PIGL: variants seen among roughly 807,000 people sequenced by gnomAD.
PIGL encodes N-acetylglucosaminyl-phosphatidylinositol de-N-acetylase.
Under a neutral mutation model 31.1 loss-of-function variants are expected in PIGL, and 22 were observed. That is an observed-to-expected ratio of 0.71 (90% confidence interval 0.51 to 1.01). The LOEUF (loss-of-function observed/expected upper bound fraction) is 1.01, where lower values mean the gene tolerates loss of function less well. Among genes scored for constraint, PIGL ranks in the 50% least tolerant of loss-of-function variants. The pLI is 0.00. For missense variants in PIGL, 302 were observed against 315.9 expected (o/e 0.96, Z 0.33); for synonymous variants, 131 against 117.4 (o/e 1.12, Z -0.75).
In PIGL at chr17:16,238,587, C is replaced by A. The variant is rs573439445; in HGVS notation, c.335+4517C>A. 9.3e-5 allele frequency among the ~76,000 whole-genome samples: 14 copies of A among 150,286 alleles called. 1 individual carries two copies. In the East Asian group the frequency reaches 2.9e-3, roughly 31 times the overall value. On this transcript the variant is annotated intron_variant, in intron 2 of 6. Transcript: ENST00000225609. ...AGTAGCTGGGATTACAGGCGCCCAC[C>A]ACCATGCCCAGCTAATTTTTGTATT...
chr17:16,307,429 C>T (rs2093030661), intron 3 of PIGL, among the ~76,000 whole-genome samples: 1 of 152,220 alleles, frequency 6.6e-6, no homozygotes, highest in Admixed American at 6.5e-5. Context: ...CCAGCCTGTG[C>T]TGTGCACGCT....
At chr17:16,314,302 T>TG (rs1391001631) in intron 4 of PIGL, among the ~76,000 whole-genome samples, 1 of 152,156 alleles carries the variant, frequency 6.6e-6, no homozygotes, top group Non-Finnish European at 1.5e-5. Flanking sequence ...AGAAGCAACT[T>TG]GAAGGGAAGG....
chr17:16,288,294 C>T (rs1453319062), intron 2 of PIGL, among the ~76,000 whole-genome samples: 1 of 152,182 alleles, frequency 6.6e-6, no homozygotes, highest in Non-Finnish European at 1.5e-5. Flanking sequence ...GCAGCCCCCA[C>T]CTCCCAGGTT....
intron 2 of PIGL, 61 bp downstream of exon 2, chr17:16,234,131 A>G (rs2092690318): frequency 1.1e-6 from 1 of 939,724 alleles, no homozygotes; most frequent in Non-Finnish European, 1.7e-6. Context: ...GATATACTCA[A>G]AAGACACACA....
At chr17:16,260,395 C>T (rs1285383401) in intron 2 of PIGL, among the ~76,000 whole-genome samples, 1 of 152,182 alleles carries the variant, frequency 6.6e-6, no homozygotes, top group Non-Finnish European at 1.5e-5. Context: ...GCACTCATTT[C>T]CTCCCCTCTG....
intron 1 of PIGL, 134 bp from the exon 2 acceptor site, chr17:16,233,837 A>G: frequency 3.5e-6 from 2 of 573,266 alleles, no homozygotes; most frequent in East Asian, 5.5e-5. Context: ...GTTTTCTTAA[A>G]CTTTGTATCA....
rs375570594 is a variant in PIGL at position 16,281,065 on chromosome 17, C to A, written c.336-18823C>A. Among the ~76,000 whole-genome samples, 5 of 152,248 alleles carry A rather than the reference C, an allele frequency of 3.3e-5. No homozygotes were observed. The East Asian group carries it at 9.6e-4, about 29-fold the overall frequency. On this transcript the variant is annotated intron_variant, in intron 2 of 6. Transcript: ENST00000225609. Reference sequence around the variant, plus strand: ...CTTTGAGAAGACTCTTGTGCTTTCACATGTATAAATATAAGCACTAAAATC... The same window carrying A: ...CTTTGAGAAGACTCTTGTGCTTTCAAATGTATAAATATAAGCACTAAAATC...
chr17:16,267,512 G>T (rs59191673), intron 2 of PIGL, among the ~76,000 whole-genome samples: 2 of 151,884 alleles, frequency 1.3e-5, no homozygotes, highest in South Asian at 4.1e-4. Context: ...TGGTCATATT[G>T]TCGGGGTTCT....
chr17:16,289,253 G>A (rs2092950680), intron 2 of PIGL, among the ~76,000 whole-genome samples: 1 of 152,224 alleles, frequency 6.6e-6, no homozygotes, highest in African/African-American at 2.4e-5. Context: ...GAGAGGGCCA[G>A]GTGAGATAAA....
intron 2 of PIGL, among the ~76,000 whole-genome samples, chr17:16,282,548 T>C (rs1328279169): frequency 2.6e-5 from 4 of 152,146 alleles, no homozygotes; most frequent in Non-Finnish European, 2.9e-5. Flanking sequence ...TCACAAAATA[T>C]CCCTAGAATT....
At chr17:16,300,799 AT>A (rs1220338955) in intron 3 of PIGL, among the ~76,000 whole-genome samples, 1 of 152,168 alleles carries the variant, frequency 6.6e-6, no homozygotes, top group Non-Finnish European at 1.5e-5. Flanking sequence ...TTAAGCATTG[AT>A]TTCTTCATTC....
intron 2 of PIGL, among the ~76,000 whole-genome samples, chr17:16,295,833 C>T (rs964053851): frequency 7.2e-5 from 11 of 151,932 alleles, no homozygotes; most frequent in African/African-American, 2.2e-4. Flanking sequence ...CCCAGCTACT[C>T]GGGAAGCTGA....
chr17:16,299,679 TC>T (rs2092996228), intron 2 of PIGL, among the ~76,000 whole-genome samples: 1 of 152,182 alleles, frequency 6.6e-6, no homozygotes, highest in African/African-American at 2.4e-5. Context: ...AGCATAAAGC[TC>T]CAAAAGTGTG....
chr17:16,255,437 A>G lies in PIGL; in HGVS notation c.335+21367A>G, dbSNP rs564666915. On this transcript the variant is annotated intron_variant, in intron 2 of 6. Transcript: ENST00000225609. ...AAAAGTCCAAGACTTTTACAGACTAATTTAAGCTGAACAAGGAAATATAAT... is the reference window on the plus strand; with the variant it reads ...AAAAGTCCAAGACTTTTACAGACTAGTTTAAGCTGAACAAGGAAATATAAT... Among the ~76,000 whole-genome samples the G allele has an allele frequency of 2.9e-4, 44 of 152,356 alleles. 1 individual carries two copies. The South Asian group carries it at 8.7e-3, about 30-fold the overall frequency.
chr17:16,229,668 A>G (rs2092669859), intron 1 of PIGL, among the ~76,000 whole-genome samples: 1 of 151,922 alleles, frequency 6.6e-6, no homozygotes, highest in Admixed American at 6.6e-5. Flanking sequence ...TTTTTGGACT[A>G]TAGCCATCCT....
intron 2 of PIGL, among the ~76,000 whole-genome samples, chr17:16,273,107 A>C (rs2092879283): frequency 6.6e-6 from 1 of 152,222 alleles, no homozygotes; most frequent in African/African-American, 2.4e-5. Flanking sequence ...CTAGGAGTAC[A>C]AAATGGCAAG....
At chr17:16,219,065 A>ATTTTTTTT (rs766541353) in intron 1 of PIGL, among the ~76,000 whole-genome samples, 5 of 81,640 alleles carry the variant, frequency 6.1e-5, no homozygotes, top group African/African-American at 2.1e-4. Context: ...TTTTTTATAA[A>ATTTTTTTT]TTTTTTTTTT....
chr17:16,325,849 A>G lies in PIGL; in HGVS notation c.710A>G (p.Tyr237Cys). The G allele has an allele frequency of 1.9e-6, 3 of 1,614,074 alleles. No individual in the cohort carries two copies. Among genetic ancestry groups the G allele is most frequent in the Non-Finnish European group, 1.7e-6 (2 of 1,179,936 alleles). Residue 237 changes from tyrosine (Y) to cysteine (C), a missense_variant, in exon 7 of 7, where the codon TAC becomes TGC. Transcript: ENST00000225609. ...CAGCTCCTCTGGTTCCGCCGCCTCT[A>G]CATTATCTTCTCCCGGTACATGAGA... The part of the protein sequence containing the change: ...RSQLLWFRRL[Y>C]IIFSRYMRIN...
intron 3 of PIGL, among the ~76,000 whole-genome samples, chr17:16,301,801 C>A (rs1389307088): frequency 6.6e-6 from 1 of 151,878 alleles, no homozygotes; most frequent in Non-Finnish European, 1.5e-5. Context: ...CATCTCCTGA[C>A]CTCATGATCC....
Sources: gnomAD v4.1 joint callset for allele counts (sites outside exome capture counted in the v4.1 genomes callset) on GRCh38, gnomAD v4.1.1 for gene constraint, MANE v1.5 for transcripts, NCBI Gene and HGNC (gene_info 2026-07-23, HGNC 2026-07-21) for gene names.